Variants in ARB2A observed in about 807,000 individuals in gnomAD.
ARB2A encodes the protein cotranscriptional regulator ARB2A.
chr5:93,836,178 C>T, the ARB2A span, among the ~76,000 whole-genome samples: 1 of 152,148 alleles, frequency 6.6e-6, no homozygotes, highest in Admixed American at 6.5e-5. Context: ...CAGGCGCCCC[C>T]CACCACGCCC....
the ARB2A span, among the ~76,000 whole-genome samples, chr5:93,745,273 C>T: frequency 3.3e-5 from 5 of 152,162 alleles, no homozygotes; most frequent in Admixed American, 3.3e-4. Flanking sequence ...AGTGACGTCC[C>T]TCCCCTCTAA....
At chr5:93,786,119 T>C in the ARB2A span, among the ~76,000 whole-genome samples, 8 of 152,334 alleles carry the variant, frequency 5.3e-5, no homozygotes, top group Middle Eastern at 3.4e-3. Flanking sequence ...TAAGGATATG[T>C]TTGCGTTTTA....
At chr5:93,659,179 G>GA in the ARB2A span, among the ~76,000 whole-genome samples, 1 of 151,880 alleles carries the variant, frequency 6.6e-6, no homozygotes, top group South Asian at 2.1e-4. Flanking sequence ...CTCCATGACA[G>GA]AAACAACTGA....
chr5:93,778,021 A>AG, the ARB2A span, among the ~76,000 whole-genome samples: 1 of 152,186 alleles, frequency 6.6e-6, no homozygotes, highest in South Asian at 2.1e-4. Flanking sequence ...TGAACTGTGT[A>AG]GGAAAAAAAA....
chr5:93,842,727 T>C, the ARB2A span, among the ~76,000 whole-genome samples: 262 of 152,248 alleles, frequency 1.7e-3, 2 homozygotes, highest in African/African-American at 5.4e-3. Context: ...CAGGTATCTC[T>C]GGGATTGAAG....
the ARB2A span, among the ~76,000 whole-genome samples, chr5:93,770,939 A>G: frequency 6.6e-6 from 1 of 152,196 alleles, no homozygotes; most frequent in Non-Finnish European, 1.5e-5. Flanking sequence ...TCTTCACAGA[A>G]TTGGAAAAAA....
At chr5:93,824,708 A>G in the ARB2A span, among the ~76,000 whole-genome samples, 1 of 152,204 alleles carries the variant, frequency 6.6e-6, no homozygotes, top group Non-Finnish European at 1.5e-5. Flanking sequence ...CAGGACTGCA[A>G]CGTGGATGCC....
At chr5:93,691,316 T>C in the ARB2A span, among the ~76,000 whole-genome samples, 3 of 151,164 alleles carry the variant, frequency 2.0e-5, no homozygotes, top group Admixed American at 6.6e-5. Flanking sequence ...GAATAAACAG[T>C]TTAGAGAAGA....
chr5:93,865,303 G>C, the ARB2A span: 3 of 626,732 alleles, frequency 4.8e-6, no homozygotes, highest in South Asian at 1.4e-4. Flanking sequence ...GAACGGTCTC[G>C]ATCTCCTGAC....
chr5:93,688,254 G>A, the ARB2A span, among the ~76,000 whole-genome samples: 3 of 152,174 alleles, frequency 2.0e-5, no homozygotes, highest in South Asian at 2.1e-4. Context: ...GATTACAGGC[G>A]TAAGCCACCG....
At chr5:93,877,030 CA>C in the ARB2A span, among the ~76,000 whole-genome samples, 1 of 152,114 alleles carries the variant, frequency 6.6e-6, no homozygotes, top group African/African-American at 2.4e-5. Flanking sequence ...TCTCTATGTG[CA>C]ATTCCAGGCT....
At chr5:93,722,551 C>G in the ARB2A span, among the ~76,000 whole-genome samples, 1 of 152,068 alleles carries the variant, frequency 6.6e-6, no homozygotes, top group Non-Finnish European at 1.5e-5. Context: ...AGCTTTCTAG[C>G]TTTTCTAGGT....
At chr5:94,028,977 C>T in the ARB2A span, among the ~76,000 whole-genome samples, 1 of 151,882 alleles carries the variant, frequency 6.6e-6, no homozygotes, top group Non-Finnish European at 1.5e-5. Context: ...TCACACACTG[C>T]ATTTGGGTGG....
At chr5:93,946,289 T>G in the ARB2A span, among the ~76,000 whole-genome samples, 1 of 152,010 alleles carries the variant, frequency 6.6e-6, no homozygotes, top group Non-Finnish European at 1.5e-5. Flanking sequence ...GCTTAGAAAG[T>G]GACCAGTCAA....
At chr5:93,969,993 A>C in the ARB2A span, among the ~76,000 whole-genome samples, 25 of 152,136 alleles carry the variant, frequency 1.6e-4, no homozygotes, top group Non-Finnish European at 2.6e-4. Flanking sequence ...GGTAAATAAT[A>C]TAAATACTTC....
the ARB2A span, among the ~76,000 whole-genome samples, chr5:93,870,729 G>C: frequency 1.6e-4 from 25 of 152,140 alleles, no homozygotes; most frequent in East Asian, 5.8e-4. Context: ...TGCCACATAA[G>C]GGGGGGTGGA....
At chr5:93,982,812 T>G in the ARB2A span, among the ~76,000 whole-genome samples, 1 of 152,156 alleles carries the variant, frequency 6.6e-6, no homozygotes, top group African/African-American at 2.4e-5. Context: ...CCCAGCACTT[T>G]GGGAGGCTGA....
chr5:93,776,638 C>T, the ARB2A span, among the ~76,000 whole-genome samples: 12 of 152,084 alleles, frequency 7.9e-5, no homozygotes, highest in South Asian at 2.1e-4. Flanking sequence ...ATTAGCCTGG[C>T]GTGGTGGTGC....
the ARB2A span, among the ~76,000 whole-genome samples, chr5:93,786,238 A>G: frequency 6.6e-6 from 1 of 152,234 alleles, no homozygotes; most frequent in Non-Finnish European, 1.5e-5. Context: ...ATGAGATACA[A>G]TAAAGTAATG....
Sources: gnomAD v4.1 joint callset for allele counts (sites outside exome capture counted in the v4.1 genomes callset) on GRCh38, gnomAD v4.1.1 for gene constraint, MANE v1.5 for transcripts, NCBI Gene and HGNC (gene_info 2026-07-23, HGNC 2026-07-21) for gene names.